The following PRKCH variants were observed in gnomAD, a reference collection of about 807,000 sequenced individuals.
PRKCH encodes protein kinase C eta type.
In PRKCH, 28 loss-of-function variants were observed where a neutral mutation model predicts 82.5. The observed-to-expected ratio is 0.34, with a 90% CI of 0.25 to 0.47. The LOEUF is 0.47. Ranked by LOEUF, PRKCH falls within the 20% of genes least tolerant of loss-of-function variation. The pLI, the probability that PRKCH is intolerant of heterozygous loss-of-function variation, is 1.00. For missense variants in PRKCH, 705 were observed against 881.8 expected, an observed-to-expected ratio of 0.80 and a Z score of 2.54; for synonymous variants, 322 against 327.4, an observed-to-expected ratio of 0.98 and a Z score of 0.18.
chr14:61,523,801 A>T (rs1405837148), intron 10 of PRKCH, among the ~76,000 whole-genome samples: 1 of 152,242 alleles, frequency 6.6e-6, no homozygotes, highest in Non-Finnish European at 1.5e-5. Flanking sequence ...TACTCTATTA[A>T]AGAATTATTA....
rs1887019599 is a variant in PRKCH, at chr14:61,503,766, T to C, written c.1433+18110T>C. 2.0e-5 allele frequency among the ~76,000 whole-genome samples: 3 copies of C among 152,252 alleles called. No homozygotes were observed. In the East Asian group the frequency reaches 5.8e-4, roughly 29 times the overall value. On this transcript the variant is annotated intron_variant, in intron 10 of 13. Transcript: ENST00000332981. ...AGCATGTCTCAGGGGCAGCTGTGCT[T>C]TGTGCCATGTATTCTGTTTTCATAA...
At chr14:61,493,187 G>A (rs923356411) in intron 10 of PRKCH, among the ~76,000 whole-genome samples, 3 of 152,222 alleles carry the variant, frequency 2.0e-5, no homozygotes, top group Admixed American at 6.5e-5. Context: ...GCTTAAGCCA[G>A]ATGGAAACAT....
intron 1 of PRKCH, among the ~76,000 whole-genome samples, chr14:61,200,885 C>T (rs547524574): frequency 8.4e-4 from 127 of 152,058 alleles, no homozygotes; most frequent in African/African-American, 2.8e-3. Flanking sequence ...TCAATACTAC[C>T]GGAGGTTTCG....
At chr14:61,436,380 G>C (rs181096954) in intron 2 of PRKCH, among the ~76,000 whole-genome samples, 1 of 151,456 alleles carries the variant, frequency 6.6e-6, no homozygotes, top group Non-Finnish European at 1.5e-5. Flanking sequence ...CTGTTGATTT[G>C]GGTCTCCACA....
At chr14:61,396,653 T>G (rs2046787775) in intron 2 of PRKCH, among the ~76,000 whole-genome samples, 1 of 152,188 alleles carries the variant, frequency 6.6e-6, no homozygotes, top group Non-Finnish European at 1.5e-5. Context: ...GAGGTGATGT[T>G]TAAAACAAGT....
At chr14:61,359,985 G>T (rs144304538) in intron 1 of PRKCH, among the ~76,000 whole-genome samples, 4 of 152,354 alleles carry the variant, frequency 2.6e-5, no homozygotes, top group Non-Finnish European at 4.4e-5. Context: ...GAGCTGTGAA[G>T]TAATTCTTAC....
At chr14:61,461,652 A>G (rs1291209984) in intron 9 of PRKCH, among the ~76,000 whole-genome samples, 1 of 152,242 alleles carries the variant, frequency 6.6e-6, no homozygotes, top group Non-Finnish European at 1.5e-5. Context: ...GAAGTATCTC[A>G]TACCTAACAG....
At chr14:61,368,368 C>G (rs1306525566) in intron 1 of PRKCH, among the ~76,000 whole-genome samples, 1 of 151,940 alleles carries the variant, frequency 6.6e-6, no homozygotes, top group African/African-American at 2.4e-5. Context: ...TGCCTTTGAG[C>G]CTTGTGTGTT....
chr14:61,487,341 C>A (rs1019041454), intron 10 of PRKCH, among the ~76,000 whole-genome samples: 2 of 152,182 alleles, frequency 1.3e-5, no homozygotes, highest in Non-Finnish European at 2.9e-5. Context: ...TCTTAGGTCA[C>A]GGGGCTGCAG....
chr14:61,377,456 A>G (rs75404504), intron 1 of PRKCH, among the ~76,000 whole-genome samples: 1,567 of 152,294 alleles, frequency 0.01, 32 homozygotes, highest in South Asian at 0.06. Flanking sequence ...ATTTAAACTC[A>G]TTTCTTTCCC....
chr14:61,239,483 G>A (rs555771810), intron 1 of PRKCH, among the ~76,000 whole-genome samples: 12 of 152,168 alleles, frequency 7.9e-5, no homozygotes, highest in Non-Finnish European at 1.8e-4. Context: ...TAACTGCTTC[G>A]AGGTACCCGG....
intron 1 of PRKCH, among the ~76,000 whole-genome samples, chr14:61,351,193 A>T (rs1229667191): frequency 6.6e-6 from 1 of 152,242 alleles, no homozygotes; most frequent in Non-Finnish European, 1.5e-5. Context: ...ATTGGGCCAT[A>T]GCATCAGGTG....
intron 1 of PRKCH, among the ~76,000 whole-genome samples, chr14:61,371,629 A>G (rs560734128): frequency 1.1e-4 from 17 of 152,234 alleles, no homozygotes; most frequent in African/African-American, 4.1e-4. Context: ...TATCAATTGC[A>G]TAATTAGCTT....
chr14:61,465,981 A>G (rs752498179), intron 9 of PRKCH, among the ~76,000 whole-genome samples: 13 of 152,214 alleles, frequency 8.5e-5, no homozygotes, highest in South Asian at 8.3e-4. Flanking sequence ...CCTAAAATCT[A>G]TCACAGAAAA....
chr14:61,241,234 G>A (rs1322261808), intron 1 of PRKCH, among the ~76,000 whole-genome samples: 1 of 152,184 alleles, frequency 6.6e-6, no homozygotes, highest in Non-Finnish European at 1.5e-5. Context: ...GTGAGGAAGG[G>A]GCACAGAATT....
chr14:61,482,904 C>A (rs1284674071), intron 9 of PRKCH, among the ~76,000 whole-genome samples: 3 of 152,186 alleles, frequency 2.0e-5, no homozygotes, highest in African/African-American at 7.2e-5. Flanking sequence ...GCTTTCGATG[C>A]CTACTGCCTT....
rs192574120 is a variant in PRKCH, at chr14:61,268,701, A to C, written c.-19+81033A>C. 4.0e-4 allele frequency among the ~76,000 whole-genome samples: 61 copies of C among 152,316 alleles called. 1 individual carries two copies. Among genetic ancestry groups the C allele is most frequent in the African/African-American group, 1.4e-3 (59 of 41,564 alleles). ...AAATATATATATATTTCTTAGGTTCAATATCAACCTCAAAAAGTAGGCAAA... is the reference window on the plus strand; with the variant it reads ...AAATATATATATATTTCTTAGGTTCCATATCAACCTCAAAAAGTAGGCAAA... On this transcript the variant is annotated intron_variant, in intron 1 of 3. Transcript: ENST00000555185.
At chr14:61,340,142 C>T (rs1280398629) in intron 1 of PRKCH, among the ~76,000 whole-genome samples, 1 of 151,910 alleles carries the variant, frequency 6.6e-6, no homozygotes, top group Non-Finnish European at 1.5e-5. Flanking sequence ...CCTTCCCTGC[C>T]CTGTTCATTT....
intron 9 of PRKCH, among the ~76,000 whole-genome samples, chr14:61,461,756 T>C (rs1885037393): frequency 1.3e-5 from 2 of 152,248 alleles, no homozygotes; most frequent in Non-Finnish European, 1.5e-5. Flanking sequence ...GGAAGTAACC[T>C]GGAACAGATT....
Sources: allele counts gnomAD v4.1 joint callset (sites outside exome capture counted in the v4.1 genomes callset), GRCh38; gene constraint gnomAD v4.1.1; transcripts MANE v1.5; gene names NCBI Gene and HGNC (gene_info 2026-07-23, HGNC 2026-07-21).